Variants in PON2 observed in about 807,000 individuals in gnomAD.
PON2 encodes serum paraoxonase/arylesterase 2.
In PON2, 27 loss-of-function variants were observed where a neutral mutation model predicts 36.6. The observed-to-expected ratio is 0.74, with a 90% CI of 0.54 to 1.02. The LOEUF is 1.02. PON2 is among the 50% of genes least tolerant of loss of function. PON2 has a pLI of 0.00. For missense variants in PON2, 363 were observed against 421.1 expected (o/e 0.86, Z 1.21); for synonymous variants, 149 against 156.3 (o/e 0.95, Z 0.35).
chr7:95,429,258 C>T (rs1328110343), intron 1 of PON2, among the ~76,000 whole-genome samples: 6 of 151,060 alleles, frequency 4.0e-5, no homozygotes, highest in Non-Finnish European at 2.9e-5. Context: ...TGTTCAATTC[C>T]CACCTATAAG....
At chr7:95,409,324 CA>C (rs202029102) in intron 6 of PON2, among the ~76,000 whole-genome samples, 5 of 139,788 alleles carry the variant, frequency 3.6e-5, no homozygotes, top group Admixed American at 7.1e-5. Flanking sequence ...AAAAACAAAA[CA>C]AAAAAAAAAC....
intron 6 of PON2, 122 bp downstream of exon 6, chr7:95,409,766 GTATCTATATATTA>G: frequency 2.5e-6 from 1 of 397,234 alleles, no homozygotes; most frequent in African/African-American, 2.1e-5. Flanking sequence ...TATATATAGT[GTATCTATATATTA>G]TATGTATAAT....
rs554442137 is a variant in PON2, at chr7:95,407,783, T to C, written c.696-715A>G. Among the ~76,000 whole-genome samples, 35 of 152,176 alleles carry C rather than the reference T, an allele frequency of 2.3e-4. 1 individual carries two copies. Among genetic ancestry groups the C allele is most frequent in the African/African-American group, 7.9e-4 (33 of 41,526 alleles). On this transcript the variant is annotated intron_variant, in intron 6 of 8. Coordinates refer to ENST00000222572, the MANE Select transcript of PON2 (RefSeq NM_000305.3). ...GTACACATTAAACACCTAATAAGCA[T>C]GAGAAATAGTTCAGGTCTAGAAATA...
At chr7:95,424,082 T>C (rs901631312) in intron 2 of PON2, 5 of 200,940 alleles carry the variant, frequency 2.5e-5, no homozygotes, top group Non-Finnish European at 2.1e-5. Flanking sequence ...CCAAACCATA[T>C]TGGTCAGTTA....
At position 95,405,160 on chromosome 7, in the gene PON2, T is replaced by G; in HGVS notation, c.*170A>C. On this transcript the variant is annotated 3_prime_UTR_variant, in exon 9 of 9. Coordinates refer to ENST00000222572, the MANE Select transcript of PON2 (RefSeq NM_000305.3). ...TTTTAAAGAACCTGTTCATTTTCCT[T>G]TTTTGTTAAAAGTGCTCTAAGAACT... The G allele has an allele frequency of 1.5e-6, 1 of 673,742 alleles. No individual in the cohort carries two copies. The highest frequency in any genetic ancestry group is 2.4e-6 in the Non-Finnish European group (1 of 409,910). 41.7% of individuals were successfully genotyped at this position (673,742 alleles called of 1,614,324 possible). A position where few individuals can be genotyped will look rare whatever the true frequency, so the allele number is the denominator to read the frequency against.
At chr7:95,416,016 A>C in intron 3 of PON2, 1 of 696,908 alleles carries the variant, frequency 1.4e-6, no homozygotes, top group Non-Finnish European at 2.3e-6. Context: ...GGAATATTTT[A>C]GTGCAATGCA....
intron 2 of PON2, among the ~76,000 whole-genome samples, chr7:95,421,469 T>C (rs1789190805): frequency 1.3e-5 from 2 of 152,236 alleles, no homozygotes; most frequent in African/African-American, 2.4e-5. Context: ...CTTTTACTAA[T>C]GCCATCTGGC....
In PON2 at chr7:95,406,302, AT is replaced by A. The variant is rs1809692194; in HGVS notation, c.778-56del. 9 of 1,569,990 alleles carry A rather than the reference AT, an allele frequency of 5.7e-6. No individual in the cohort carries two copies. The Middle Eastern group carries it at 5.0e-4, about 88-fold the overall frequency. Reference sequence around the variant, plus strand: ...ATGACATGAGAAACTTGATTAAATAATTTAGAGGTAACCTTCCTGCCTCTAT... The same window carrying A: ...ATGACATGAGAAACTTGATTAAATAATTAGAGGTAACCTTCCTGCCTCTAT... On this transcript the variant is annotated intron_variant, in intron 7 of 8. Transcript: ENST00000222572.
chr7:95,412,603 CA>C lies in PON2; in HGVS notation c.202-127del. ...GTAGTGGCATAAAGCCACAAAAACT[CA>C]AAAAACAGAGAAAAGATAACAGAAA... On this transcript the variant is annotated intron_variant, in intron 3 of 8. Coordinates refer to ENST00000222572, the MANE Select transcript of PON2 (RefSeq NM_000305.3). The C allele has an allele frequency of 3.3e-6, 3 of 907,550 alleles. No homozygotes were observed. In the South Asian group the frequency reaches 4.6e-5, roughly 14 times the overall value. The allele number at this position is 907,550 out of a possible 1,614,324, so 56.2% of individuals were successfully genotyped here. A position where few individuals can be genotyped will look rare whatever the true frequency, so the allele number is the denominator to read the frequency against.
At chr7:95,417,695 A>ACT (rs1789098474) in intron 2 of PON2, among the ~76,000 whole-genome samples, 1 of 123,724 alleles carries the variant, frequency 8.1e-6, no homozygotes, top group Admixed American at 8.0e-5. Context: ...ACACAGACAC[A>ACT]CACACACACA....
In PON2 at chr7:95,425,958, C is replaced by G. The variant is rs1239415278; in HGVS notation, c.75-1373G>C. 4.0e-5 allele frequency among the ~76,000 whole-genome samples: 6 copies of G among 151,644 alleles called. No homozygotes were observed. The East Asian group carries it at 1.2e-3, about 29-fold the overall frequency. ...TTAAAAAATACAATAAATCTCATGGCCTACGTGTCACAGAAGTGATTTAAG... is the reference window on the plus strand; with the variant it reads ...TTAAAAAATACAATAAATCTCATGGGCTACGTGTCACAGAAGTGATTTAAG... On this transcript the variant is annotated intron_variant, in intron 1 of 8. Coordinates refer to ENST00000222572, the MANE Select transcript of PON2 (RefSeq NM_000305.3).
intron 2 of PON2, among the ~76,000 whole-genome samples, chr7:95,420,990 A>G (rs949914025): frequency 4.7e-5 from 7 of 148,316 alleles, no homozygotes; most frequent in Admixed American, 3.4e-4. Flanking sequence ...AGCAAAAAAG[A>G]AAAAAAAAAG....
intron 3 of PON2, among the ~76,000 whole-genome samples, chr7:95,414,358 C>G (rs1426027177): frequency 6.6e-6 from 1 of 152,110 alleles, no homozygotes; most frequent in African/African-American, 2.4e-5. Flanking sequence ...TGAAAAACAG[C>G]AGCAAACTGG....
At chr7:95,427,096 A>C (rs1161140375) in intron 1 of PON2, among the ~76,000 whole-genome samples, 1 of 152,170 alleles carries the variant, frequency 6.6e-6, no homozygotes, top group Non-Finnish European at 1.5e-5. Flanking sequence ...AACATGGAAG[A>C]GTTACATGAG....
chr7:95,428,362 A>C (rs1217970385), intron 1 of PON2, among the ~76,000 whole-genome samples: 1 of 152,178 alleles, frequency 6.6e-6, no homozygotes, highest in Non-Finnish European at 1.5e-5. Context: ...CCAGTGACCA[A>C]GGAATCCATG....
chr7:95,423,891 G>A (rs540006000), intron 2 of PON2, among the ~76,000 whole-genome samples: 4 of 152,158 alleles, frequency 2.6e-5, no homozygotes, highest in Admixed American at 6.5e-5. Flanking sequence ...GAGAAGTGCC[G>A]AGCAAAAGGG....
intron 2 of PON2, among the ~76,000 whole-genome samples, chr7:95,419,926 A>G (rs530965811): frequency 6.6e-6 from 1 of 152,374 alleles, no homozygotes; most frequent in Non-Finnish European, 1.5e-5. Context: ...CTATAATTTT[A>G]TAACAGCAAC....
intron 1 of PON2, among the ~76,000 whole-genome samples, chr7:95,432,682 A>G (rs1789470861): frequency 6.6e-6 from 1 of 152,218 alleles, no homozygotes; most frequent in African/African-American, 2.4e-5. Context: ...AGGACAGATC[A>G]TATACAAAGT....
chr7:95,418,770 T>C (rs528782560), intron 2 of PON2, among the ~76,000 whole-genome samples: 18 of 152,318 alleles, frequency 1.2e-4, no homozygotes, highest in African/African-American at 4.3e-4. Context: ...TGTGGGCTGA[T>C]TTGGCACTGT....
Sources: gnomAD v4.1 joint callset for allele counts (sites outside exome capture counted in the v4.1 genomes callset) on GRCh38, gnomAD v4.1.1 for gene constraint, MANE v1.5 for transcripts, NCBI Gene and HGNC (gene_info 2026-07-23, HGNC 2026-07-21) for gene names.